ARPP21: variants seen among roughly 807,000 people sequenced by gnomAD.
ARPP21 encodes the protein cAMP-regulated phosphoprotein 21.
ARPP21 carries 69 observed loss-of-function variants against 113.2 expected under a neutral mutation model. That is an observed-to-expected ratio of 0.61 (90% CI 0.50 to 0.74). The LOEUF is 0.74. Ranked by LOEUF, ARPP21 falls within the 30% of genes least tolerant of loss-of-function variation. The pLI is 0.00. For missense variants in ARPP21, 1,070 were observed against 1,037.4 expected (o/e 1.03, Z -0.43); for synonymous variants, 368 against 375.5 (o/e 0.98, Z 0.23).
chr3:35,735,992 C>T (rs1222367165), intron 15 of ARPP21, among the ~76,000 whole-genome samples: 1 of 152,026 alleles, frequency 6.6e-6, no homozygotes, highest in African/African-American at 2.4e-5. Context: ...TTTTTTTCAT[C>T]GTTACCCAGT....
intron 19 of ARPP21, among the ~76,000 whole-genome samples, chr3:35,765,999 G>A (rs2095959413): frequency 6.6e-6 from 1 of 152,128 alleles, no homozygotes; most frequent in South Asian, 2.1e-4. Flanking sequence ...GATTATTAAT[G>A]TAGCTCTGGG....
At chr3:35,717,245 G>A (rs777989881) in intron 12 of ARPP21, 53 bp from the exon 13 acceptor site, 27 of 988,798 alleles carry the variant, frequency 2.7e-5, no homozygotes, top group Admixed American at 8.6e-5. Flanking sequence ...TAAACACAAG[G>A]CATTTAGTAC....
At chr3:35,691,096 A>G (rs1001432598) in intron 9 of ARPP21, 91 bp downstream of exon 9, 2 of 1,335,222 alleles carry the variant, frequency 1.5e-6, no homozygotes, top group South Asian at 1.6e-5. Context: ...AGTACATGAC[A>G]TTTAAAATGT....
At chr3:35,744,000 C>A (rs925249348) in intron 19 of ARPP21, 35 bp downstream of exon 19, 1 of 1,612,744 alleles carries the variant, frequency 6.2e-7, no homozygotes, top group Non-Finnish European at 8.5e-7. Context: ...GCTTCTCAAC[C>A]CAGTTATTTT....
chr3:35,703,567 A>G lies in ARPP21; in HGVS notation c.687-3407A>G, dbSNP rs115162337. 8.2e-3 allele frequency among the ~76,000 whole-genome samples: 1,251 copies of G among 152,048 alleles called. 19 individuals are homozygous for G. Among genetic ancestry groups the G allele is most frequent in the African/African-American group, 0.028 (1,159 of 41,536 alleles). ...GTATTTTTCACCTAGAATAAGCATT[A>G]CATTTATTTTCCATGCTTTTTTGAT... On this transcript the variant is annotated intron_variant, in intron 9 of 20. Transcript: ENST00000684406.
In ARPP21 at chr3:35,750,209, T is replaced by C. The variant is rs571662993; in HGVS notation, c.2137+6244T>C. 2.0e-5 allele frequency among the ~76,000 whole-genome samples: 3 copies of C among 151,860 alleles called. No individual in the cohort carries two copies. In the South Asian group the frequency reaches 6.2e-4, roughly 32 times the overall value. On this transcript the variant is annotated intron_variant, in intron 19 of 20. Transcript: ENST00000684406. ...TTTTTAATGTAAATATTTAATGCTA[T>C]AAATTTCCCTTTCAGTCTTGCTTTA...
At chr3:35,753,119 C>T (rs571989016) in intron 19 of ARPP21, among the ~76,000 whole-genome samples, 1 of 151,254 alleles carries the variant, frequency 6.6e-6, no homozygotes, top group East Asian at 1.9e-4. Flanking sequence ...TTAGCCAGAT[C>T]TCTTGGTGGT....
At chr3:35,792,282 A>G in intron 19 of ARPP21, 100 bp from the exon 20 acceptor site, 1 of 926,440 alleles carries the variant, frequency 1.1e-6, no homozygotes, top group Non-Finnish European at 1.7e-6. Context: ...GTGGAGACTG[A>G]GATGTCTGAA....
chr3:35,748,711 A>G (rs1036311799), intron 19 of ARPP21, among the ~76,000 whole-genome samples: 2 of 152,190 alleles, frequency 1.3e-5, no homozygotes, highest in African/African-American at 4.8e-5. Flanking sequence ...TTATTTTAGT[A>G]GTTAGCTCTC....
Position 35,741,042 on chromosome 3 carries a change from C to A in ARPP21, c.2010+1465C>A, listed in dbSNP as rs185841744. On this transcript the variant is annotated intron_variant, in intron 18 of 20. Coordinates refer to ENST00000684406, the MANE Select transcript of ARPP21 (RefSeq NM_001385562.1). Reference sequence around the variant, plus strand: ...GCTTGAGCCTGGGATGTCAAGGCTGCAGTGAGCCATGATGATATCTCTACA... The same window carrying A: ...GCTTGAGCCTGGGATGTCAAGGCTGAAGTGAGCCATGATGATATCTCTACA... 3.0e-3 allele frequency among the ~76,000 whole-genome samples: 457 copies of A among 152,150 alleles called. 5 individuals carry two copies. Among genetic ancestry groups the A allele is most frequent in the African/African-American group, 0.011 (446 of 41,482 alleles).
At chr3:35,759,953 A>G (rs1014470893) in intron 19 of ARPP21, among the ~76,000 whole-genome samples, 3 of 152,220 alleles carry the variant, frequency 2.0e-5, no homozygotes, top group Admixed American at 1.3e-4. Flanking sequence ...ACCAGCTAGC[A>G]TTAACCAAAA....
At chr3:35,668,693 A>G (rs1211211668) in intron 1 of ARPP21, among the ~76,000 whole-genome samples, 1 of 152,180 alleles carries the variant, frequency 6.6e-6, no homozygotes, top group African/African-American at 2.4e-5. Context: ...TATGATACTA[A>G]TAATGCCTTG....
At chr3:35,788,556 C>T (rs1234223098) in intron 19 of ARPP21, among the ~76,000 whole-genome samples, 8 of 152,088 alleles carry the variant, frequency 5.3e-5, no homozygotes, top group Admixed American at 1.3e-4. Context: ...TACCGCCTTC[C>T]CTGTTTCAAC....
At chr3:35,680,557 A>G (rs1011856063) in intron 2 of ARPP21, among the ~76,000 whole-genome samples, 4 of 151,956 alleles carry the variant, frequency 2.6e-5, no homozygotes, top group African/African-American at 9.7e-5. Flanking sequence ...AAGTTACTGA[A>G]TTAGTAAATG....
intron 12 of ARPP21, 196 bp downstream of exon 12, chr3:35,715,672 T>C (rs752953857): frequency 2.5e-4 from 101 of 398,552 alleles, no homozygotes; most frequent in Non-Finnish European, 4.0e-4. Flanking sequence ...AAATTTTCTT[T>C]CAGTTAATTC....
chr3:35,749,054 A>G (rs2095301583), intron 19 of ARPP21, among the ~76,000 whole-genome samples: 1 of 152,236 alleles, frequency 6.6e-6, no homozygotes, highest in Non-Finnish European at 1.5e-5. Flanking sequence ...TTGCCTTTAT[A>G]TGCTAACATG....
At chr3:35,674,375 T>C (rs2077005482) in intron 1 of ARPP21, among the ~76,000 whole-genome samples, 1 of 151,974 alleles carries the variant, frequency 6.6e-6, no homozygotes, top group Non-Finnish European at 1.5e-5. Flanking sequence ...CTGTGAAATT[T>C]GTTTCAGTTA....
chr3:35,781,265 GC>G (rs1350796366), intron 19 of ARPP21, among the ~76,000 whole-genome samples: 1 of 152,152 alleles, frequency 6.6e-6, no homozygotes, highest in Non-Finnish European at 1.5e-5. Context: ...TGCAAGTATT[GC>G]CTTTGAATGC....
intron 1 of ARPP21, among the ~76,000 whole-genome samples, chr3:35,653,530 G>A (rs1034997680): frequency 1.3e-5 from 2 of 151,960 alleles, no homozygotes. Flanking sequence ...TTTATGGCAC[G>A]AATGATGCCA....
Sources: gnomAD v4.1 joint callset for allele counts (sites outside exome capture counted in the v4.1 genomes callset) on GRCh38, gnomAD v4.1.1 for gene constraint, MANE v1.5 for transcripts, NCBI Gene and HGNC (gene_info 2026-07-23, HGNC 2026-07-21) for gene names.